Variants in PDZD8 observed in about 807,000 individuals in gnomAD.
PDZD8 encodes PDZ domain-containing protein 8.
In PDZD8, 14 loss-of-function variants were observed where a neutral mutation model predicts 85.8. The observed-to-expected ratio is 0.16, with a 90% CI of 0.11 to 0.26. The LOEUF (loss-of-function observed/expected upper bound fraction) is 0.26, where lower values mean the gene tolerates loss of function less well. Ranked by LOEUF, PDZD8 falls within the 10% of genes least tolerant of loss-of-function variation. PDZD8 has a pLI of 1.00. For synonymous variants in PDZD8, 592 were observed against 568.6 expected (o/e 1.04, Z -0.59); for missense variants, 1,197 against 1,424.3 (o/e 0.84, Z 2.57).
intron 1 of PDZD8, among the ~76,000 whole-genome samples, chr10:117,346,288 G>A (rs1269256708): frequency 2.8e-5 from 4 of 142,440 alleles, no homozygotes; most frequent in Non-Finnish European, 4.6e-5. Context: ...ACACTAAATA[G>A]AGCATACCAA....
chr10:117,286,696 T>C (rs1286299189), intron 4 of PDZD8, among the ~76,000 whole-genome samples: 1 of 152,244 alleles, frequency 6.6e-6, no homozygotes, highest in African/African-American at 2.4e-5. Flanking sequence ...TCTTTTCTTC[T>C]CATGGTCCTG....
In PDZD8 at chr10:117,283,881, A is replaced by C; in HGVS notation, c.2852T>G (p.Val951Gly). ...TGGTTCAGAAAGGCGAGTTTTAGAG[A>C]CTTGACGCAAATTTAATAAACGAGA... ...TSSRLLNLRQ[V>G]SKTRLSEPGT... The change falls in exon 5 of 5, where the codon GTC becomes GGC. Residue 951 changes from valine (V) to glycine (G), a missense_variant. Physicochemically the swap from Val to Gly is moderately radical, Grantham distance 109. Around this residue, in one of 4 missense-constraint regions of PDZD8, gnomAD observed 418 missense variants for 571.1 expected, o/e 0.73. Transcript: ENST00000334464. 2.5e-6 allele frequency: 4 copies of C among 1,614,108 alleles called. No individual in the cohort carries two copies. The highest frequency in any genetic ancestry group is 3.4e-6 in the Non-Finnish European group (4 of 1,180,030).
intron 3 of PDZD8, among the ~76,000 whole-genome samples, chr10:117,307,612 T>G (rs1843965719): frequency 6.6e-6 from 1 of 152,106 alleles, no homozygotes; most frequent in African/African-American, 2.4e-5. Flanking sequence ...TAGGGCATAT[T>G]GTTTATACAC....
In PDZD8 at chr10:117,283,467, A is replaced by C; in HGVS notation, c.3266T>G (p.Leu1089Arg). ...GCCTGCTCTGTAGTGAATCATAAGA[A>C]GTGTTAGAGCTTGTAGCCTTTCACC... ...KSGERLQALT[L>R]LMIHYRAGIE... Residue 1089 changes from leucine (L) to arginine (R), a missense_variant, in exon 5 of 5, where the codon CTT (leucine) becomes CGT (arginine). Leu to Arg is a moderately radical substitution (Grantham distance 102). Coordinates refer to ENST00000334464, the MANE Select transcript of PDZD8 (RefSeq NM_173791.5). 6.2e-7 allele frequency: 1 copy of C among 1,614,122 alleles called. No homozygotes were observed. The highest frequency in any genetic ancestry group is 8.5e-7 in the Non-Finnish European group (1 of 1,179,954).
intron 3 of PDZD8, among the ~76,000 whole-genome samples, chr10:117,313,936 CT>C (rs1346476486): frequency 6.6e-6 from 1 of 152,180 alleles, no homozygotes; most frequent in African/African-American, 2.4e-5. Flanking sequence ...TCTCCCCATA[CT>C]TTCAGATCTC....
chr10:117,292,668 T>A (rs1286062091), intron 3 of PDZD8, among the ~76,000 whole-genome samples: 1 of 151,776 alleles, frequency 6.6e-6, no homozygotes, highest in Non-Finnish European at 1.5e-5. Context: ...TAGTGTAAGG[T>A]GTTAGTGTAA....
At chr10:117,286,776 A>G (rs1844672747) in intron 4 of PDZD8, among the ~76,000 whole-genome samples, 1 of 152,102 alleles carries the variant, frequency 6.6e-6, no homozygotes, top group Non-Finnish European at 1.5e-5. Context: ...GTTCTTACCA[A>G]TATTTTATTT....
At position 117,281,299 on chromosome 10, in the gene PDZD8, A is replaced by C. The variant is rs1473483551; in HGVS notation, c.*1969T>G. On this transcript the variant is annotated 3_prime_UTR_variant, in exon 5 of 5. Transcript: ENST00000334464. ...AACCTGGGAGGCGGAGCTTGCAGTG[A>C]GCCGAGATCATGCCACTGCACTCCA... 1.5e-5 allele frequency: 2 copies of C among 131,298 alleles called. No individual in the cohort carries two copies. Among genetic ancestry groups the C allele is most frequent in the African/African-American group, 2.9e-5 (1 of 34,472 alleles). The allele number at this position is 131,298 out of a possible 1,614,324, so 8.1% of individuals were successfully genotyped here.
At chr10:117,296,408 T>C (rs1306587255) in intron 3 of PDZD8, among the ~76,000 whole-genome samples, 3 of 152,124 alleles carry the variant, frequency 2.0e-5, no homozygotes, top group Non-Finnish European at 4.4e-5. Flanking sequence ...AGATTCATTA[T>C]TGTTGAGATG....
chr10:117,361,567 GAC>G (rs1705104788), intron 1 of PDZD8, among the ~76,000 whole-genome samples: 1 of 152,158 alleles, frequency 6.6e-6, no homozygotes, highest in South Asian at 2.1e-4. Context: ...CTATGGTAAA[GAC>G]ATGAACACTG....
intron 2 of PDZD8, among the ~76,000 whole-genome samples, chr10:117,327,266 C>T (rs1844334155): frequency 6.6e-6 from 1 of 152,140 alleles, no homozygotes. Flanking sequence ...AAGGATCTCA[C>T]CTAGGTGAGA....
intron 3 of PDZD8, among the ~76,000 whole-genome samples, chr10:117,291,671 C>T (rs186681995): frequency 6.6e-6 from 1 of 151,568 alleles, no homozygotes; most frequent in African/African-American, 2.4e-5. Context: ...ATGGTGAGAC[C>T]CCATCTTTAT....
At chr10:117,314,973 C>T (rs967705906) in intron 3 of PDZD8, among the ~76,000 whole-genome samples, 7 of 152,250 alleles carry the variant, frequency 4.6e-5, no homozygotes, top group African/African-American at 9.6e-5. Flanking sequence ...TGTACATAAA[C>T]GCTTGTTTCT....
chr10:117,366,832 TA>T (rs1845098921), intron 1 of PDZD8, among the ~76,000 whole-genome samples: 1 of 152,212 alleles, frequency 6.6e-6, no homozygotes, highest in Non-Finnish European at 1.5e-5. Context: ...TCCACATCTG[TA>T]AAACTGAGAT....
rs866426855 is a variant in PDZD8, at chr10:117,375,092, G to T, written c.136C>A (p.Arg46Ser). 6.3e-7 allele frequency: 1 copy of T among 1,598,062 alleles called. No individual in the cohort carries two copies. The highest frequency in any genetic ancestry group is 1.7e-4 in the Middle Eastern group (1 of 5,942). Residue 46 changes from arginine to serine, a missense_variant, in exon 1 of 5, where the codon CGC becomes AGC. Arg to Ser is a moderately radical substitution (Grantham distance 110, BLOSUM62 -1). This residue lies in a region of PDZD8 where 172 missense variants were observed against 137.8 expected (regional missense o/e 1.25). Transcript: ENST00000334464. ...AGGCCCGGCACTGGCTTGATGTAGCGGAAGCCCTCGCCCGCGCGGGCGGCC... is the reference window on the plus strand; with the variant it reads ...AGGCCCGGCACTGGCTTGATGTAGCTGAAGCCCTCGCCCGCGCGGGCGGCC... ...DEAARAGEGF[R>S]YIKPVPGLLL... is the part of the protein sequence containing the mutation.
intron 1 of PDZD8, among the ~76,000 whole-genome samples, chr10:117,373,520 G>A (rs1285231294): frequency 6.6e-6 from 1 of 151,384 alleles, no homozygotes; most frequent in Non-Finnish European, 1.5e-5. Context: ...CACTTTGGGA[G>A]GCCGAGGCAG....
At chr10:117,331,295 C>T (rs1040205398) in intron 2 of PDZD8, among the ~76,000 whole-genome samples, 1 of 152,112 alleles carries the variant, frequency 6.6e-6, no homozygotes, top group Admixed American at 6.6e-5. Context: ...ATTCTAAGAG[C>T]TTTACATTTA....
At chr10:117,364,848 T>C (rs1352414175) in intron 1 of PDZD8, among the ~76,000 whole-genome samples, 1 of 151,770 alleles carries the variant, frequency 6.6e-6, no homozygotes, top group Admixed American at 6.6e-5. Context: ...ACAGAATAAT[T>C]TGGAGGGTCA....
chr10:117,288,409 CAAAA>C (rs903210249), intron 4 of PDZD8, among the ~76,000 whole-genome samples: 11 of 151,582 alleles, frequency 7.3e-5, no homozygotes, highest in African/African-American at 2.7e-4. Flanking sequence ...AACAAAAAAA[CAAAA>C]AAAGAGACAT....
Sources: allele counts gnomAD v4.1 joint callset (sites outside exome capture counted in the v4.1 genomes callset), GRCh38; gene constraint gnomAD v4.1.1; regional missense constraint gnomAD v4.1.1; transcripts MANE v1.5; gene names NCBI Gene and HGNC (gene_info 2026-07-23, HGNC 2026-07-21).